Variants in CCDC171 observed in about 807,000 individuals in gnomAD.
CCDC171 encodes coiled-coil domain-containing protein 171.
Under a neutral mutation model 168.2 loss-of-function variants are expected in CCDC171, and 177 were observed. The ratio of observed to expected loss-of-function variants is 1.05; its 90% CI spans 0.93 to 1.19. CCDC171 has a LOEUF of 1.19. Among genes scored for constraint, CCDC171 ranks in the 50% most tolerant of loss-of-function variants. The pLI, the probability that CCDC171 is intolerant of heterozygous loss-of-function variation, is 0.00. For synonymous variants in CCDC171, 687 were observed against 540.8 expected, an observed-to-expected ratio of 1.27 and a Z score of -3.75; for missense variants, 1,991 against 1,539.0, an observed-to-expected ratio of 1.29 and a Z score of -4.91.
chr9:15,951,083 A>C (rs1829100695), intron 25 of CCDC171, among the ~76,000 whole-genome samples: 1 of 148,992 alleles, frequency 6.7e-6, no homozygotes, highest in Non-Finnish European at 1.5e-5. Flanking sequence ...GGTATCCTAA[A>C]TATATATGCA....
intron 24 of CCDC171, among the ~76,000 whole-genome samples, chr9:15,917,505 G>A (rs914453869): frequency 2.4e-4 from 36 of 151,644 alleles, no homozygotes; most frequent in African/African-American, 5.1e-4. Flanking sequence ...GAAGTAGTAT[G>A]TGGTTTATAT....
At chr9:15,677,420 G>A (rs994081308) in intron 9 of CCDC171, among the ~76,000 whole-genome samples, 1 of 152,040 alleles carries the variant, frequency 6.6e-6, no homozygotes, top group Non-Finnish European at 1.5e-5. Flanking sequence ...ATTGCTCAGA[G>A]TAAGGTCATG....
chr9:15,857,536 C>T (rs1312170796), intron 23 of CCDC171, among the ~76,000 whole-genome samples: 1 of 151,850 alleles, frequency 6.6e-6, no homozygotes, highest in Non-Finnish European at 1.5e-5. Context: ...GATTCTCGTT[C>T]CTCAACCTCC....
At chr9:15,756,865 T>C (rs2056151860) in intron 18 of CCDC171, among the ~76,000 whole-genome samples, 1 of 152,256 alleles carries the variant, frequency 6.6e-6, no homozygotes, top group African/African-American at 2.4e-5. Context: ...AAACACATTC[T>C]GCTTCATTCT....
At chr9:15,726,707 T>A (rs1317224780) in intron 14 of CCDC171, among the ~76,000 whole-genome samples, 1 of 152,132 alleles carries the variant, frequency 6.6e-6, no homozygotes, top group Non-Finnish European at 1.5e-5. Flanking sequence ...CTATAATTTC[T>A]AATTATAAAA....
rs188569628 is a variant in CCDC171, at chr9:15,868,681, C to G, written c.3469-5851C>G. Among the ~76,000 whole-genome samples the G allele has an allele frequency of 7.6e-3, 1,153 of 152,036 alleles. 12 individuals are homozygous for G. The highest frequency in any genetic ancestry group is 0.026 in the African/African-American group (1,093 of 41,496). Reference sequence around the variant, plus strand: ...GAAAAAAGATAGGGAAATGGAAGTACCAAAATCTTAAGTAATTTCTTCAAC... The same window carrying G: ...GAAAAAAGATAGGGAAATGGAAGTAGCAAAATCTTAAGTAATTTCTTCAAC... On this transcript the variant is annotated intron_variant, in intron 23 of 25. Transcript: ENST00000380701.
intron 7 of CCDC171, among the ~76,000 whole-genome samples, chr9:15,624,168 T>C (rs1224417733): frequency 6.6e-6 from 1 of 152,170 alleles, no homozygotes; most frequent in East Asian, 1.9e-4. Flanking sequence ...TTATAACTTT[T>C]GGGAGGAAGG....
the CCDC171 span, among the ~76,000 whole-genome samples, chr9:16,091,633 G>A: frequency 6.6e-6 from 1 of 152,314 alleles, no homozygotes; most frequent in East Asian, 1.9e-4. Flanking sequence ...AGGAAACCCT[G>A]AAAGGCTCAG....
intron 18 of CCDC171, among the ~76,000 whole-genome samples, chr9:15,761,422 T>C (rs745945906): frequency 7.9e-5 from 12 of 152,106 alleles, no homozygotes; most frequent in Admixed American, 3.3e-4. Flanking sequence ...CTTTATTGAA[T>C]CTTAAAAAAA....
At chr9:15,632,703 T>C (rs7038210) in intron 7 of CCDC171, among the ~76,000 whole-genome samples, 9,900 of 152,128 alleles carry the variant, frequency 0.065, 446 homozygotes, top group African/African-American at 0.12. Context: ...AAAAAGAGCC[T>C]GCATCGCCAA....
At chr9:15,938,621 T>G (rs1827366855) in intron 25 of CCDC171, among the ~76,000 whole-genome samples, 1 of 151,900 alleles carries the variant, frequency 6.6e-6, no homozygotes, top group Admixed American at 6.6e-5. Flanking sequence ...TTGGATATAT[T>G]GCATTTGTTC....
intron 3 of CCDC171, among the ~76,000 whole-genome samples, chr9:15,980,972 A>G (rs1432792903): frequency 2.6e-5 from 4 of 152,120 alleles, no homozygotes; most frequent in Non-Finnish European, 4.4e-5. Flanking sequence ...GGCAAGAAAG[A>G]GCAAGTCACG....
chr9:15,661,596 G>T (rs1216543649), intron 8 of CCDC171, among the ~76,000 whole-genome samples: 1 of 152,182 alleles, frequency 6.6e-6, no homozygotes, highest in Non-Finnish European at 1.5e-5. Context: ...CGGTTTCAGA[G>T]CAGTTTAATG....
intron 16 of CCDC171, among the ~76,000 whole-genome samples, chr9:15,730,642 TAC>T (rs2054094108): frequency 6.6e-6 from 1 of 151,742 alleles, no homozygotes. Context: ...TAAATATATA[TAC>T]ACACACATAC....
chr9:15,645,617 C>T (rs550000506), intron 7 of CCDC171, among the ~76,000 whole-genome samples: 108 of 151,990 alleles, frequency 7.1e-4, no homozygotes, highest in African/African-American at 2.4e-3. Flanking sequence ...GTTCAGTAGC[C>T]GATTTGAACA....
At chr9:15,644,695 A>C (rs759420135) in intron 7 of CCDC171, among the ~76,000 whole-genome samples, 1 of 152,148 alleles carries the variant, frequency 6.6e-6, no homozygotes, top group Non-Finnish European at 1.5e-5. Flanking sequence ...AGGCTGGGGG[A>C]GGAGCGCCCA....
At chr9:15,627,966 A>G (rs1218244881) in intron 7 of CCDC171, among the ~76,000 whole-genome samples, 1 of 151,872 alleles carries the variant, frequency 6.6e-6, no homozygotes, top group Non-Finnish European at 1.5e-5. Context: ...CTCTTGGGTT[A>G]GACCCTAAGA....
At chr9:16,082,830 G>A in the CCDC171 span, among the ~76,000 whole-genome samples, 1 of 152,116 alleles carries the variant, frequency 6.6e-6, no homozygotes, top group African/African-American at 2.4e-5. Flanking sequence ...AGAAAGCTTT[G>A]GTTTTCCTTT....
At chr9:15,653,595 A>G (rs7036172) in intron 7 of CCDC171, among the ~76,000 whole-genome samples, 66,600 of 151,972 alleles carry the variant, frequency 0.44, 15,556 homozygotes, top group East Asian at 0.77. Flanking sequence ...CCAAGTGCCT[A>G]TGATTTAGCT....
Sources: gnomAD v4.1 joint callset for allele counts (sites outside exome capture counted in the v4.1 genomes callset) on GRCh38, gnomAD v4.1.1 for gene constraint, MANE v1.5 for transcripts, NCBI Gene and HGNC (gene_info 2026-07-23, HGNC 2026-07-21) for gene names.